Variants in AACS observed in about 807,000 individuals in gnomAD.
AACS encodes the protein acetoacetyl-CoA synthetase.
Under a neutral mutation model 83.1 loss-of-function variants are expected in AACS, and 69 were observed. The ratio of observed to expected loss-of-function variants is 0.83; its 90% CI spans 0.68 to 1.01. AACS has a LOEUF of 1.01. AACS is among the 50% of genes least tolerant of loss of function. AACS has a pLI of 0.00. For missense variants in AACS, 866 were observed against 882.2 expected (o/e 0.98, Z 0.23); for synonymous variants, 333 against 343.4 (o/e 0.97, Z 0.33).
rs1261009498 is a variant in AACS, at chr12:125,140,655, CTG to C, written c.1882-1435_1882-1434del. On this transcript the variant is annotated intron_variant, in intron 17 of 17. Coordinates refer to ENST00000316519, the MANE Select transcript of AACS (RefSeq NM_023928.5). This position sits in a 1 kb window ranked among gnomAD's most constrained non-coding sequence, Gnocchi z 5.1. ...GTGATCGAGGACTCGTCACTGGGCT[CTG>C]TTGCTCCTGAAGTTTCCTAGCCCAC... 2 of 151,990 alleles carry C rather than the reference CTG, an allele frequency of 1.3e-5. No individual in the cohort carries two copies. The highest frequency in any genetic ancestry group is 2.9e-5 in the Non-Finnish European group (2 of 67,996). The allele number at this position is 151,990 out of a possible 1,614,324, so 9.4% of individuals were successfully genotyped here. A position where few individuals can be genotyped will look rare whatever the true frequency, so the allele number is the denominator to read the frequency against.
Position 125,099,593 on chromosome 12 carries a change from G to C in AACS, c.571-3086G>C, listed in dbSNP as rs76294837. 9.4e-3 allele frequency among the ~76,000 whole-genome samples: 1,436 copies of C among 152,324 alleles called. 24 individuals carry two copies. The highest frequency in any genetic ancestry group is 0.033 in the African/African-American group (1,362 of 41,562). On this transcript the variant is annotated intron_variant, in intron 5 of 17. Coordinates refer to ENST00000316519, the MANE Select transcript of AACS (RefSeq NM_023928.5). The stretch of plus-strand genomic sequence containing the variant: ...CCCATGTCCAAGGTCATTCTGAGCA[G>C]TAAATGAGCGAATATCGGTCCAGTG...
chr12:125,073,941 A>G lies in AACS; in HGVS notation c.199A>G (p.Lys67Glu). 6.2e-7 allele frequency: 1 copy of G among 1,614,162 alleles called. No individual in the cohort carries two copies. Among genetic ancestry groups the G allele is most frequent in the South Asian group, 1.1e-5 (1 of 91,086 alleles). The part of the protein sequence containing the change: ...SYSDFWAEFW[K>E]FSGIVFSRVY... The stretch of plus-strand genomic sequence containing the variant: ...TTCAGACTTCTGGGCAGAGTTCTGG[A>G]AATTCAGTGGAATTGTCTTCTCACG... The change falls in exon 2 of 18, where the codon AAA (lysine) becomes GAA (glutamate). Residue 67 changes from lysine (K) to glutamate (E), a missense_variant. Physicochemically the swap from Lys to Glu is moderately conservative, Grantham distance 56. Transcript: ENST00000316519.
intron 1 of AACS, among the ~76,000 whole-genome samples, chr12:125,069,943 C>A (rs907931870): frequency 6.6e-6 from 1 of 152,176 alleles, no homozygotes; most frequent in East Asian, 1.9e-4. Flanking sequence ...ATGCAGCTGA[C>A]GGCTGTAACT....
At position 125,116,219 on chromosome 12, in the gene AACS, G is replaced by T. The variant is rs377177216; in HGVS notation, c.996+1662G>T. Among the ~76,000 whole-genome samples the T allele has an allele frequency of 7.9e-5, 12 of 152,226 alleles. No individual in the cohort carries two copies. The South Asian group carries it at 2.5e-3, about 32-fold the overall frequency. ...AGCATCAGTGCAGTGTCCTTACGGA[G>T]GTGCAGGAAGCTCCCAGCAGCTACG... On this transcript the variant is annotated intron_variant, in intron 9 of 17. Coordinates refer to ENST00000316519, the MANE Select transcript of AACS (RefSeq NM_023928.5).
rs772488230 is a variant in AACS at position 125,118,675 on chromosome 12, T to C, written c.1031T>C (p.Leu344Pro). ...ATGATGTGGAACTGGATGGTGTCCC[T>C]TCTGGCCACAGGAGCGGCCATGGTC... Reference protein sequence around the residue: ...GWMMWNWMVSLLATGAAMVLY... With the variant: ...GWMMWNWMVSPLATGAAMVLY... Residue 344 changes from leucine (L) to proline (P), a missense_variant, in exon 10 of 18, where the codon CTT becomes CCT. By Grantham distance (98) the Leu-to-Pro change is moderately conservative (BLOSUM62 -3). Coordinates refer to ENST00000316519, the MANE Select transcript of AACS (RefSeq NM_023928.5). The C allele has an allele frequency of 6.2e-7, 1 of 1,614,130 alleles. No homozygotes were observed. The highest frequency in any genetic ancestry group is 8.5e-7 in the Non-Finnish European group (1 of 1,180,006).
intron 4 of AACS, among the ~76,000 whole-genome samples, chr12:125,090,778 G>T (rs1956466094): frequency 6.6e-6 from 1 of 152,192 alleles, no homozygotes. Flanking sequence ...CCCTTGATGT[G>T]CAGGGCATGG....
intron 14 of AACS, among the ~76,000 whole-genome samples, chr12:125,132,926 G>A (rs1216626762): frequency 1.3e-5 from 2 of 152,226 alleles, no homozygotes; most frequent in African/African-American, 4.8e-5. Context: ...GAGAAGTGCT[G>A]GAGAAGTGTC....
At chr12:125,102,348 C>A in intron 5 of AACS, 1 of 273,094 alleles carries the variant, frequency 3.7e-6, no homozygotes, top group Non-Finnish European at 7.1e-6. Context: ...GCGCGCCCGG[C>A]CTCATCGACT....
At chr12:125,091,923 C>T (rs1012437883) in intron 5 of AACS, among the ~76,000 whole-genome samples, 1 of 152,214 alleles carries the variant, frequency 6.6e-6, no homozygotes, top group Non-Finnish European at 1.5e-5. Flanking sequence ...TCCCCAGGAC[C>T]TCCCTGTGTT....
rs577880198 is a variant in AACS, at chr12:125,137,339, G to A, written c.1881+475G>A. Among the ~76,000 whole-genome samples, 34 of 152,284 alleles carry A rather than the reference G, an allele frequency of 2.2e-4. No homozygotes were observed. The South Asian group carries it at 6.2e-3, about 28-fold the overall frequency. ...TGGGATTACAGTCACATGCCAGCAT[G>A]CCTGGCTAATTTTTGTATTCTTAGT... is the stretch of plus-strand genomic sequence containing the variant. On this transcript the variant is annotated intron_variant, in intron 17 of 17. Coordinates refer to ENST00000316519, the MANE Select transcript of AACS (RefSeq NM_023928.5).
At chr12:125,077,124 C>T (rs1956044487) in intron 3 of AACS, among the ~76,000 whole-genome samples, 1 of 148,540 alleles carries the variant, frequency 6.7e-6, no homozygotes. Flanking sequence ...CTATGTTGTC[C>T]AGGGAGGTCT....
intron 10 of AACS, among the ~76,000 whole-genome samples, chr12:125,119,650 A>G (rs1957120567): frequency 6.6e-6 from 1 of 152,230 alleles, no homozygotes; most frequent in Non-Finnish European, 1.5e-5. Flanking sequence ...AACTCGGGAA[A>G]AACCTGCCTC....
intron 17 of AACS, chr12:125,139,930 T>G (rs532234304): frequency 6.6e-6 from 1 of 152,322 alleles, no homozygotes; most frequent in Admixed American, 6.5e-5. Flanking sequence ...GTGACCCTGG[T>G]GAGGCGGGAC....
rs1240615736 is a variant in AACS, at chr12:125,136,919, A to AC, written c.1881+56dup. On this transcript the variant is annotated intron_variant, in intron 17 of 17. Transcript: ENST00000316519. ...CGCAGCCATCGCCCCACGAGCCCACACATTGAGGGGCGCTTACATCTGAGC... is the reference window on the plus strand; with the variant it reads ...CGCAGCCATCGCCCCACGAGCCCACACCATTGAGGGGCGCTTACATCTGAGC... 7.3e-5 allele frequency: 115 copies of AC among 1,569,258 alleles called. 4 individuals are homozygous for AC. The South Asian group carries it at 8.9e-4, about 12-fold the overall frequency.
At chr12:125,124,844 C>T (rs144854520) in intron 11 of AACS, 58 bp from the exon 12 acceptor site, 409 of 1,613,938 alleles carry the variant, frequency 2.5e-4, no homozygotes, top group Non-Finnish European at 3.2e-4. Flanking sequence ...TTCCTGCTTG[C>T]GAGTGAGGCT....
intron 9 of AACS, among the ~76,000 whole-genome samples, chr12:125,115,419 C>G (rs979594264): frequency 1.3e-5 from 2 of 152,094 alleles, no homozygotes; most frequent in Admixed American, 6.5e-5. Context: ...CACCACCACG[C>G]CCAGCTAATT....
chr12:125,099,677 G>T (rs527621310), intron 5 of AACS, among the ~76,000 whole-genome samples: 1 of 152,216 alleles, frequency 6.6e-6, no homozygotes, highest in East Asian at 1.9e-4. Flanking sequence ...GAAATGTTAG[G>T]TTTCCTTTTT....
At chr12:125,088,009 C>T (rs1956378514) in intron 4 of AACS, among the ~76,000 whole-genome samples, 1 of 152,218 alleles carries the variant, frequency 6.6e-6, no homozygotes. Context: ...GCATCCCACT[C>T]TTCCTGCAGC....
Position 125,079,693 on chromosome 12 carries a change from C to A in AACS, c.358+3082C>A, listed in dbSNP as rs114354458. ...CATGAGCCACTGCGTCCAGCCAGCT[C>A]CTTTCTTCCAATTAGCATATAATTC... is the stretch of plus-strand genomic sequence containing the variant. On this transcript the variant is annotated intron_variant, in intron 3 of 17. Coordinates refer to ENST00000316519, the MANE Select transcript of AACS (RefSeq NM_023928.5). Among the ~76,000 whole-genome samples the A allele has an allele frequency of 5.7e-3, 865 of 152,242 alleles. 14 individuals carry two copies. Among genetic ancestry groups the A allele is most frequent in the African/African-American group, 0.02 (834 of 41,536 alleles).
Sources: allele counts gnomAD v4.1 joint callset (sites outside exome capture counted in the v4.1 genomes callset), GRCh38; gene constraint gnomAD v4.1.1; non-coding constraint Gnocchi (gnomAD v3.1); transcripts MANE v1.5; gene names NCBI Gene and HGNC (gene_info 2026-07-23, HGNC 2026-07-21).